Variants in ZDHHC19 observed in about 807,000 individuals in gnomAD.
ZDHHC19 encodes the protein palmitoyltransferase ZDHHC19.
In ZDHHC19, 30 loss-of-function variants were observed where a neutral mutation model predicts 33.9. The ratio of observed to expected loss-of-function variants is 0.88; its 90% CI spans 0.66 to 1.20. The LOEUF is 1.20. ZDHHC19 is among the 50% of genes most tolerant of loss of function. The pLI, the probability that ZDHHC19 is intolerant of heterozygous loss-of-function variation, is 0.00. For synonymous variants in ZDHHC19, 178 were observed against 167.6 expected (o/e 1.06, Z -0.48); for missense variants, 364 against 401.1 (o/e 0.91, Z 0.79).
chr3:196,210,511 C>G, intron 2 of ZDHHC19, 105 bp downstream of exon 2: 1 of 1,492,186 alleles, frequency 6.7e-7, no homozygotes, highest in Non-Finnish European at 9.2e-7. Flanking sequence ...GTGAAGGGGT[C>G]CAGAGGCTGG....
chr3:196,199,265 T>C, intron 5 of ZDHHC19: 1 of 211,546 alleles, frequency 4.7e-6, no homozygotes, highest in Admixed American at 5.4e-5. Context: ...CCCTCCTCTC[T>C]CCCCTTCGCC....
intron 2 of ZDHHC19, 73 bp from the exon 3 acceptor site, chr3:196,209,588 T>A: frequency 6.5e-7 from 1 of 1,545,486 alleles, no homozygotes; most frequent in Non-Finnish European, 8.7e-7. Context: ...CTCCACGGCA[T>A]CACAGGGCAC....
At chr3:196,206,420 C>G (rs1188582085) in intron 5 of ZDHHC19, among the ~76,000 whole-genome samples, 1 of 151,432 alleles carries the variant, frequency 6.6e-6, no homozygotes, top group Non-Finnish European at 1.5e-5. Flanking sequence ...GCAATCACAG[C>G]TCACTGACTG....
chr3:196,210,177 C>T (rs1220810039), intron 2 of ZDHHC19, among the ~76,000 whole-genome samples: 1 of 138,684 alleles, frequency 7.2e-6, no homozygotes, highest in Non-Finnish European at 1.5e-5. Flanking sequence ...GGCAGCAAAG[C>T]GAGACTCTGT....
chr3:196,208,526 C>T lies in ZDHHC19; in HGVS notation c.443G>A (p.Cys148Tyr), dbSNP rs1722969127. 3.1e-6 allele frequency: 5 copies of T among 1,614,120 alleles called. No homozygotes were observed. Among genetic ancestry groups the T allele is most frequent in the African/African-American group, 2.7e-5 (2 of 75,040 alleles). Residue 148 changes from cysteine to tyrosine, a missense_variant, in exon 4 of 8, where the codon TGC becomes TAC. Cys to Tyr is a radical substitution (Grantham distance 194). Transcript: ENST00000296326. Reference sequence around the variant, plus strand: ...GAAGCGGAAGTTGCGGTGACCGATGCAGTTATTGACCCACTTGCAGTGGTG... The same window carrying T: ...GAAGCGGAAGTTGCGGTGACCGATGTAGTTATTGACCCACTTGCAGTGGTG... ...FDHHCKWVNN[C>Y]IGHRNFRFFM...
chr3:196,208,248 A>ACCC, intron 4 of ZDHHC19, 140 bp downstream of exon 4: 2 of 236,658 alleles, frequency 8.5e-6, no homozygotes, highest in South Asian at 5.5e-5. Context: ...CCATCCCCCG[A>ACCC]CCCCGCCCAC....
At position 196,207,457 on chromosome 3, in the gene ZDHHC19, G is replaced by A; in HGVS notation, c.628C>T (p.Leu210Phe). The A allele has an allele frequency of 6.3e-7, 1 of 1,576,642 alleles. No homozygotes were observed. The highest frequency in any genetic ancestry group is 8.6e-7 in the Non-Finnish European group (1 of 1,162,108). Residue 210 changes from leucine to phenylalanine, a missense_variant, in exon 5 of 8, where the codon CTC becomes TTC. Leu to Phe is a conservative substitution (Grantham distance 22). Coordinates refer to ENST00000296326, the MANE Select transcript of ZDHHC19 (RefSeq NM_001039617.2). Reference protein sequence around the residue: ...SAAGLLVPLSLLLLIQALSVS... With the variant: ...SAAGLLVPLSFLLLIQALSVS... ...GACAGTGCCTGGATCAGCAGCAGGA[G>A]GGACAGCGGCACCAGGAGGCCCGCG...
chr3:196,210,371 GGAAA>G (rs1356184210), intron 2 of ZDHHC19, among the ~76,000 whole-genome samples: 3 of 111,472 alleles, frequency 2.7e-5, no homozygotes, highest in Non-Finnish European at 5.9e-5. Flanking sequence ...AAGGAAGGAA[GGAAA>G]GAGAGAGGAA....
At position 196,211,306 on chromosome 3, in the gene ZDHHC19, A is replaced by AG. The variant is rs780347686; in HGVS notation, c.9dup (p.Thr5AsnfsTer24). The AG allele has an allele frequency of 1.9e-6, 3 of 1,612,134 alleles. No homozygotes were observed. In the East Asian group the frequency reaches 6.7e-5, roughly 36 times the overall value. ...TTCACCAGCGGCGTGGCATCCGTTA[A>AG]GAGTGTCATGGCTGGGCCTCCTTCG... On this transcript the variant is annotated frameshift_variant, in exon 1 of 8. Coordinates refer to ENST00000296326, the MANE Select transcript of ZDHHC19 (RefSeq NM_001039617.2). LOFTEE classifies it high-confidence loss of function.
rs1522394 is a variant in ZDHHC19, at chr3:196,211,306, A to G, written c.10T>C (p.Leu4=). The part of the protein sequence containing the change: MTL[L]TDATPLVKEP... The stretch of plus-strand genomic sequence containing the variant: ...TTCACCAGCGGCGTGGCATCCGTTA[A>G]GAGTGTCATGGCTGGGCCTCCTTCG... Residue 4 remains leucine, a synonymous_variant, in exon 1 of 8, where the codon TTA becomes CTA. Coordinates refer to ENST00000296326, the MANE Select transcript of ZDHHC19 (RefSeq NM_001039617.2). The G allele has an allele frequency of 0.25, 408,810 of 1,612,024 alleles. 56,449 individuals are homozygous for G. Among genetic ancestry groups the G allele is most frequent in the East Asian group, 0.56 (24,983 of 44,860 alleles).
At chr3:196,204,528 A>T (rs1159651534) in intron 5 of ZDHHC19, among the ~76,000 whole-genome samples, 1 of 152,210 alleles carries the variant, frequency 6.6e-6, no homozygotes, top group Non-Finnish European at 1.5e-5. Context: ...AGGAAACAAT[A>T]CAATTTTTTA....
chr3:196,198,276 C>A lies in ZDHHC19; in HGVS notation c.*19G>T. 6.7e-7 allele frequency: 1 copy of A among 1,499,870 alleles called. No individual in the cohort carries two copies. The highest frequency in any genetic ancestry group is 8.9e-7 in the Non-Finnish European group (1 of 1,125,710). The allele number at this position is 1,499,870 out of a possible 1,614,324, so 92.9% of individuals were successfully genotyped here. A position where few individuals can be genotyped will look rare whatever the true frequency, so the allele number is the denominator to read the frequency against. ...ACCCACGCACACACACGCTTCTTAC[C>A]TCCTGGAGAGCTGCAGCCTCACCAC... On this transcript the variant is annotated splice_region_variant and 3_prime_UTR_variant, in exon 7 of 8. Coordinates refer to ENST00000296326, the MANE Select transcript of ZDHHC19 (RefSeq NM_001039617.2).
Position 196,211,245 on chromosome 3 carries a change from C to G in ZDHHC19, c.71G>C (p.Trp24Ser). 2 of 1,614,146 alleles carry G rather than the reference C, an allele frequency of 1.2e-6. No homozygotes were observed. Among genetic ancestry groups the G allele is most frequent in the Non-Finnish European group, 1.7e-6 (2 of 1,180,010 alleles). The part of the protein sequence containing the change: ...PHPLPLVPRP[W>S]FLPSLFAAFN... The stretch of plus-strand genomic sequence containing the variant: ...GGCAGCAAAGAGGCTAGGGAGGAAC[C>G]AGGGACGTGGGACCAGAGGCAGGGG... Residue 24 changes from tryptophan to serine, a missense_variant, in exon 1 of 8, where the codon TGG becomes TCG. By Grantham distance (177) the Trp-to-Ser change is radical. Transcript: ENST00000296326.
At chr3:196,206,679 C>CTTTTTTTT (rs10578928) in intron 5 of ZDHHC19, among the ~76,000 whole-genome samples, 1 of 112,790 alleles carries the variant, frequency 8.9e-6, no homozygotes, top group Non-Finnish European at 1.8e-5. Context: ...CTTTTCTTTT[C>CTTTTTTTT]TTTTTTTTTT....
rs1162594232 is a variant in ZDHHC19 at position 196,207,509 on chromosome 3, C to G, written c.582-6G>C. 1.9e-6 allele frequency: 3 copies of G among 1,549,910 alleles called. No individual in the cohort carries two copies. The highest frequency in any genetic ancestry group is 2.4e-5 in the South Asian group (2 of 84,108). ...CGGACACGGCCACCACGATGCTGCG[C>G]GGGTTAAGGAACCGGGCTGCGGGAC... On this transcript the variant is annotated splice_region_variant and splice_polypyrimidine_tract_variant and intron_variant, in intron 4 of 7. Coordinates refer to ENST00000296326, the MANE Select transcript of ZDHHC19 (RefSeq NM_001039617.2).
rs1407502824 is a variant in ZDHHC19 at position 196,208,559 on chromosome 3, T to A, written c.410A>T (p.Asp137Val). The change falls in exon 4 of 8, where the codon GAC (aspartate) becomes GTC (valine). Residue 137 changes from aspartate (D) to valine (V), a missense_variant and splice_region_variant. By Grantham distance (152) the Asp-to-Val change is radical. Transcript: ENST00000296326. The stretch of plus-strand genomic sequence containing the variant: ...GACCCACTTGCAGTGGTGGTCAAAG[T>A]CCTGGGCGACAGGGAGAGGGGCCAG... ...HCPWCNICVEDFDHHCKWVNN... is the reference protein window; with the variant it reads ...HCPWCNICVEVFDHHCKWVNN... 6.2e-7 allele frequency: 1 copy of A among 1,613,934 alleles called. No individual in the cohort carries two copies. Among genetic ancestry groups the A allele is most frequent in the Admixed American group, 1.7e-5 (1 of 60,006 alleles).
At chr3:196,210,100 C>T (rs966034209) in intron 2 of ZDHHC19, among the ~76,000 whole-genome samples, 54 of 151,788 alleles carry the variant, frequency 3.6e-4, no homozygotes, top group African/African-American at 9.7e-4. Context: ...CTGAGGCAGA[C>T]GAATCGCTTG....
rs373747689 is a variant in ZDHHC19 at position 196,200,418 on chromosome 3, G to C, written c.688-1544C>G. Reference sequence around the variant, plus strand: ...CACCCAGGCTGGAGTGCAGTGGCGCGATCTCAGCTCACTGCAAGCTCCGCC... The same window carrying C: ...CACCCAGGCTGGAGTGCAGTGGCGCCATCTCAGCTCACTGCAAGCTCCGCC... On this transcript the variant is annotated intron_variant, in intron 5 of 7. Transcript: ENST00000296326. Among the ~76,000 whole-genome samples, 9 of 139,468 alleles carry C rather than the reference G, an allele frequency of 6.5e-5. No homozygotes were observed. The East Asian group carries it at 1.5e-3, about 24-fold the overall frequency. 91.5% of individuals were successfully genotyped at this position (139,468 alleles called of 152,430 possible). A position where few individuals can be genotyped will look rare whatever the true frequency, so the allele number is the denominator to read the frequency against.
chr3:196,206,679 C>CTTTTCT (rs1722757231), intron 5 of ZDHHC19, among the ~76,000 whole-genome samples: 3 of 112,792 alleles, frequency 2.7e-5, no homozygotes, highest in Middle Eastern at 9.4e-3. Context: ...CTTTTCTTTT[C>CTTTTCT]TTTTTTTTTT....
Sources: allele counts gnomAD v4.1 joint callset (sites outside exome capture counted in the v4.1 genomes callset), GRCh38; gene constraint gnomAD v4.1.1; transcripts MANE v1.5; gene names NCBI Gene and HGNC (gene_info 2026-07-23, HGNC 2026-07-21).